Variants in ZNF175 observed in about 807,000 individuals in gnomAD.
The protein encoded by ZNF175 is zinc finger protein 175.
A neutral mutation model predicts 14.0 loss-of-function variants in ZNF175; 8 were observed. The ratio of observed to expected loss-of-function variants is 0.57; its 90% CI spans 0.34 to 1.03. The LOEUF (loss-of-function observed/expected upper bound fraction) is 1.03, where lower values mean the gene tolerates loss of function less well. ZNF175 is among the 50% of genes least tolerant of loss of function. The probability of loss-of-function intolerance (pLI) is 0.03; values close to 1 mark genes in which losing one functional copy is unlikely to be tolerated. For missense variants in ZNF175, 764 were observed against 849.5 expected, an observed-to-expected ratio of 0.90 and a Z score of 1.25; for synonymous variants, 255 against 296.8, an observed-to-expected ratio of 0.86 and a Z score of 1.45.
Position 51,587,514 on chromosome 19 carries a change from G to C in ZNF175, c.1183G>C (p.Glu395Gln). 3.1e-6 allele frequency: 5 copies of C among 1,614,194 alleles called. No homozygotes were observed. Among genetic ancestry groups the C allele is most frequent in the Non-Finnish European group, 4.2e-6 (5 of 1,180,030 alleles). Residue 395 changes from glutamate (E) to glutamine (Q), a missense_variant, in exon 5 of 5, where the codon GAA (glutamate) becomes CAA (glutamine). Physicochemically the swap from Glu to Gln is conservative, Grantham distance 29. Transcript: ENST00000262259. ...HSREKLYECS[E>Q]CGKGFSQNST... ...TAGAGAAAAACTCTATGAATGCAGT[G>C]AATGTGGCAAAGGCTTCTCCCAAAA... is the stretch of plus-strand genomic sequence containing the variant.
rs1160664278 is a variant in ZNF175, at chr19:51,592,141, A to C, written c.*3674A>C. On this transcript the variant is annotated 3_prime_UTR_variant, in exon 5 of 5. Coordinates refer to ENST00000262259, the MANE Select transcript of ZNF175 (RefSeq NM_007147.4). Reference sequence around the variant, plus strand: ...ATACTGCCCAGAGTCCCCTGCCCCCACCCCCAAAACCAGTACTTGATCCAT... The same window carrying C: ...ATACTGCCCAGAGTCCCCTGCCCCCCCCCCCAAAACCAGTACTTGATCCAT... The C allele has an allele frequency of 6.3e-6, 1 of 157,530 alleles. No individual in the cohort carries two copies. The highest frequency in any genetic ancestry group is 1.4e-5 in the Non-Finnish European group (1 of 72,032). The allele number at this position is 157,530 out of a possible 1,614,324, so 9.8% of individuals were successfully genotyped here.
At chr19:51,584,817 T>TA (rs1401927406) in intron 4 of ZNF175, among the ~76,000 whole-genome samples, 2 of 152,100 alleles carry the variant, frequency 1.3e-5, no homozygotes, top group Middle Eastern at 3.4e-3. Context: ...TGGCTACAAT[T>TA]AAAAAAACAG....
intron 1 of ZNF175, 92 bp downstream of exon 1, chr19:51,571,567 T>C (rs1981586813): frequency 6.6e-6 from 1 of 152,338 alleles, no homozygotes; most frequent in African/African-American, 2.4e-5. Flanking sequence ...TAATTTTAGT[T>C]GGATAATTAG....
intron 3 of ZNF175, 32 bp from the exon 4 acceptor site, chr19:51,581,755 C>A (rs746389890): frequency 1.2e-6 from 2 of 1,608,090 alleles, no homozygotes; most frequent in South Asian, 2.2e-5. Context: ...GAAGAAGCTA[C>A]ACCCAAATCC....
At position 51,589,909 on chromosome 19, in the gene ZNF175, CT is replaced by C. The variant is rs1982302549; in HGVS notation, c.*1443del. 1 of 393,096 alleles carries C rather than the reference CT, an allele frequency of 2.5e-6. No homozygotes were observed. Among genetic ancestry groups the C allele is most frequent in the Non-Finnish European group, 4.6e-6 (1 of 217,760 alleles). The allele number at this position is 393,096 out of a possible 1,614,324, so 24.4% of individuals were successfully genotyped here. A position where few individuals can be genotyped will look rare whatever the true frequency, so the allele number is the denominator to read the frequency against. ...AACACACACACATACACACATATTA[CT>C]ATGTTCATCATCATATACCTGTGTA... On this transcript the variant is annotated 3_prime_UTR_variant, in exon 5 of 5. Coordinates refer to ENST00000262259, the MANE Select transcript of ZNF175 (RefSeq NM_007147.4).
In ZNF175 at chr19:51,587,476, A is replaced by G; in HGVS notation, c.1145A>G (p.Gln382Arg). ...CAGATGTTATCTCTCTTCAGACATC[A>G]GAGAACTCACAGTAGAGAAAAACTC... ...FFQMLSLFRH[Q>R]RTHSREKLYE... The change falls in exon 5 of 5, where the codon CAG becomes CGG. Residue 382 changes from glutamine to arginine, a missense_variant. By Grantham distance (43) the Gln-to-Arg change is conservative (BLOSUM62 1). Coordinates refer to ENST00000262259, the MANE Select transcript of ZNF175 (RefSeq NM_007147.4). 1 of 1,614,254 alleles carries G rather than the reference A, an allele frequency of 6.2e-7. No individual in the cohort carries two copies.
In ZNF175 at chr19:51,581,476, G is replaced by C. The variant is rs200667551; in HGVS notation, c.158G>C (p.Arg53Pro). Residue 53 changes from arginine (R) to proline (P), a missense_variant, in exon 3 of 5, where the codon CGG becomes CCG. By Grantham distance (103) the Arg-to-Pro change is moderately radical. Coordinates refer to ENST00000262259, the MANE Select transcript of ZNF175 (RefSeq NM_007147.4). ...QLDPAQRCLY[R>P]DVMLELYSHL... ...GACCCTGCCCAGAGATGCCTGTACC[G>C]GGATGTGATGCTGGAGCTCTATAGC... 1.6e-4 allele frequency: 263 copies of C among 1,614,112 alleles called. No homozygotes were observed. Among genetic ancestry groups the C allele is most frequent in the Middle Eastern group, 6.6e-4 (4 of 6,062 alleles).
In ZNF175 at chr19:51,587,986, T is replaced by C. The variant is rs748326207; in HGVS notation, c.1655T>C (p.Ile552Thr). ...QKSILSMHQR[I>T]HTGEKPYKCS... Reference sequence around the variant, plus strand: ...TCAATACTCAGCATGCATCAGAGAATTCACACCGGAGAGAAGCCTTACAAA... The same window carrying C: ...TCAATACTCAGCATGCATCAGAGAACTCACACCGGAGAGAAGCCTTACAAA... The change falls in exon 5 of 5, where the codon ATT becomes ACT. Residue 552 changes from isoleucine to threonine, a missense_variant. Transcript: ENST00000262259. 4.3e-6 allele frequency: 7 copies of C among 1,614,128 alleles called. No homozygotes were observed. The highest frequency in any genetic ancestry group is 5.9e-6 in the Non-Finnish European group (7 of 1,180,014).
At position 51,587,879 on chromosome 19, in the gene ZNF175, A is replaced by C. The variant is rs770010543; in HGVS notation, c.1548A>C (p.Ser516=). The part of the protein sequence containing the change: ...SDCGKTFTQK[S]HLNIHQKIHT... The stretch of plus-strand genomic sequence containing the variant: ...GTGGAAAAACCTTCACCCAAAAGTC[A>C]CACCTGAATATACACCAGAAAATTC... The change falls in exon 5 of 5, where the codon TCA becomes TCC. Residue 516 remains serine, a synonymous_variant. Coordinates refer to ENST00000262259, the MANE Select transcript of ZNF175 (RefSeq NM_007147.4). 6.2e-7 allele frequency: 1 copy of C among 1,614,038 alleles called. No homozygotes were observed. The highest frequency in any genetic ancestry group is 1.3e-5 in the African/African-American group (1 of 74,916).
chr19:51,573,063 GAC>G (rs1303985337), intron 1 of ZNF175, 85 bp from the exon 2 acceptor site: 1 of 455,560 alleles, frequency 2.2e-6, no homozygotes, highest in Middle Eastern at 5.4e-4. Flanking sequence ...TCCAATGTCT[GAC>G]ACAGTGACTT....
intron 2 of ZNF175, among the ~76,000 whole-genome samples, chr19:51,579,344 CTG>C (rs1290763220): frequency 6.6e-6 from 1 of 151,122 alleles, no homozygotes; most frequent in African/African-American, 2.4e-5. Flanking sequence ...TCGCTTGAGT[CTG>C]AGAGGCAGAG....
chr19:51,587,501 C>CT lies in ZNF175; in HGVS notation c.1171dup (p.Tyr391LeufsTer2). 2 of 1,614,198 alleles carry CT rather than the reference C, an allele frequency of 1.2e-6. No individual in the cohort carries two copies. Among genetic ancestry groups the CT allele is most frequent in the Non-Finnish European group, 1.7e-6 (2 of 1,180,026 alleles). ...AGAGAACTCACAGTAGAGAAAAACTCTATGAATGCAGTGAATGTGGCAAAG... is the reference window on the plus strand; with the variant it reads ...AGAGAACTCACAGTAGAGAAAAACTCTTATGAATGCAGTGAATGTGGCAAAG... On this transcript the variant is annotated frameshift_variant, in exon 5 of 5. Coordinates refer to ENST00000262259, the MANE Select transcript of ZNF175 (RefSeq NM_007147.4). LOFTEE classifies it low-confidence loss of function (END_TRUNC).
In ZNF175 at chr19:51,587,864, CT is replaced by C. The variant is rs777779195; in HGVS notation, c.1535del (p.Phe512SerfsTer7). The C allele has an allele frequency of 6.2e-7, 1 of 1,614,100 alleles. No homozygotes were observed. Among genetic ancestry groups the C allele is most frequent in the Non-Finnish European group, 8.5e-7 (1 of 1,179,998 alleles). ...PYECSDCGKT[F>X]TQKSHLNIHQ... Reference sequence around the variant, plus strand: ...ATGAATGCAGTGACTGTGGAAAAACCTTCACCCAAAAGTCACACCTGAATAT... The same window carrying C: ...ATGAATGCAGTGACTGTGGAAAAACCTCACCCAAAAGTCACACCTGAATAT... On this transcript the variant is annotated frameshift_variant, in exon 5 of 5. Coordinates refer to ENST00000262259, the MANE Select transcript of ZNF175 (RefSeq NM_007147.4). LOFTEE classifies it low-confidence loss of function (END_TRUNC).
rs1568577303 is a variant in ZNF175 at position 51,587,656 on chromosome 19, C to T, written c.1325C>T (p.Ser442Leu). 1 of 1,614,020 alleles carries T rather than the reference C, an allele frequency of 6.2e-7. No homozygotes were observed. Among genetic ancestry groups the T allele is most frequent in the East Asian group, 2.2e-5 (1 of 44,872 alleles). The change falls in exon 5 of 5, where the codon TCA becomes TTA. Residue 442 changes from serine (S) to leucine (L), a missense_variant. Physicochemically the swap from Ser to Leu is moderately radical, Grantham distance 145 (BLOSUM62 -2). Transcript: ENST00000262259. ...CTCAGCTTGCACCAGAGAATCCACT[C>T]AGGGCAGAAGTCCTATGTGTGTATC... is the stretch of plus-strand genomic sequence containing the variant. ...STLSLHQRIHSGQKSYVCIEC... is the reference protein window; with the variant it reads ...STLSLHQRIHLGQKSYVCIEC...
Position 51,581,805 on chromosome 19 carries a change from C to G in ZNF175, c.218C>G (p.Pro73Arg). Reference sequence around the variant, plus strand: ...TTAACAGGGTATCACATTCCCAACCCAGAGGTCATCTTCAGAATGCTAAAA... The same window carrying G: ...TTAACAGGGTATCACATTCCCAACCGAGAGGTCATCTTCAGAATGCTAAAA... ...LFAVGYHIPN[P>R]EVIFRMLKEK... The change falls in exon 4 of 5, where the codon CCA (proline) becomes CGA (arginine). Residue 73 changes from proline (P) to arginine (R), a missense_variant. Transcript: ENST00000262259. The G allele has an allele frequency of 1.2e-6, 2 of 1,613,932 alleles. No individual in the cohort carries two copies. The highest frequency in any genetic ancestry group is 1.3e-5 in the African/African-American group (1 of 75,012).
intron 2 of ZNF175, among the ~76,000 whole-genome samples, chr19:51,577,692 C>T (rs1308828345): frequency 7.9e-6 from 1 of 126,780 alleles, no homozygotes; most frequent in Non-Finnish European, 1.6e-5. Flanking sequence ...GAGATGGAGT[C>T]TCACTCTGTC....
At chr19:51,572,838 C>T (rs1981640067) in intron 1 of ZNF175, among the ~76,000 whole-genome samples, 1 of 152,206 alleles carries the variant, frequency 6.6e-6, no homozygotes, top group Non-Finnish European at 1.5e-5. Flanking sequence ...CAGGCAGGCA[C>T]TGAGGACTTG....
At chr19:51,577,888 C>T (rs1016645063) in intron 2 of ZNF175, among the ~76,000 whole-genome samples, 5 of 151,390 alleles carry the variant, frequency 3.3e-5, no homozygotes, top group South Asian at 2.1e-4. Flanking sequence ...TGGTCTCAAT[C>T]TCCTGACCTC....
Position 51,589,735 on chromosome 19 carries a change from T to G in ZNF175, c.*1268T>G, listed in dbSNP as rs971774288. Reference sequence around the variant, plus strand: ...TTATTGGAACACAGCCATGTTCATTTGGACATGTATTGTCTGGGCTTCTTT... The same window carrying G: ...TTATTGGAACACAGCCATGTTCATTGGGACATGTATTGTCTGGGCTTCTTT... On this transcript the variant is annotated 3_prime_UTR_variant, in exon 5 of 5. Coordinates refer to ENST00000262259, the MANE Select transcript of ZNF175 (RefSeq NM_007147.4). 1.7e-6 allele frequency: 1 copy of G among 601,984 alleles called. No homozygotes were observed. The highest frequency in any genetic ancestry group is 1.8e-5 in the African/African-American group (1 of 54,252). 37.3% of individuals were successfully genotyped at this position (601,984 alleles called of 1,614,324 possible).
Sources: gnomAD v4.1 joint callset for allele counts (sites outside exome capture counted in the v4.1 genomes callset) on GRCh38, gnomAD v4.1.1 for gene constraint, MANE v1.5 for transcripts, NCBI Gene and HGNC (gene_info 2026-07-23, HGNC 2026-07-21) for gene names.